The following RBFOX1 variants were observed in gnomAD, a reference collection of about 807,000 sequenced individuals.
RBFOX1 encodes the protein RNA binding fox-1 homolog 1, also known as RNA binding protein fox-1 homolog 1.
Under a neutral mutation model 57.7 loss-of-function variants are expected in RBFOX1, and 8 were observed. The observed-to-expected ratio is 0.14, with a 90% CI of 0.08 to 0.25. The LOEUF (loss-of-function observed/expected upper bound fraction) is 0.25. Among genes scored for constraint, RBFOX1 ranks in the 10% least tolerant of loss-of-function variants. RBFOX1 has a pLI of 1.00. For synonymous variants in RBFOX1, 326 were observed against 222.4 expected, an observed-to-expected ratio of 1.47 and a Z score of -4.15; for missense variants, 611 against 548.5, an observed-to-expected ratio of 1.11 and a Z score of -1.14.
intron 3 of RBFOX1, among the ~76,000 whole-genome samples, chr16:5,742,237 TCCC>T (rs1407655100): frequency 2.1e-4 from 18 of 84,552 alleles, no homozygotes; most frequent in African/African-American, 3.5e-4. Flanking sequence ...CCTTCCTTCC[TCCC>T]TTCCTTCCTT....
In RBFOX1 at chr16:6,450,400, C is replaced by T. The variant is rs894449058; in HGVS notation, c.-64+133343C>T. ...CGTTTGCTCCAGCCTTAAGGAATAACTGTGCTAATTTTATTGGTTATTTAT... is the reference window on the plus strand; with the variant it reads ...CGTTTGCTCCAGCCTTAAGGAATAATTGTGCTAATTTTATTGGTTATTTAT... On this transcript the variant is annotated intron_variant, in intron 2 of 15. Coordinates refer to ENST00000550418, the MANE Select transcript of RBFOX1 (RefSeq NM_018723.4). 5.3e-5 allele frequency among the ~76,000 whole-genome samples: 8 copies of T among 151,928 alleles called. 1 individual carries two copies. Among genetic ancestry groups the T allele is most frequent in the Admixed American group, 5.2e-4 (8 of 15,246 alleles).
chr16:7,006,478 G>A (rs879825382), intron 3 of RBFOX1, among the ~76,000 whole-genome samples: 3 of 152,060 alleles, frequency 2.0e-5, no homozygotes, highest in Admixed American at 6.6e-5. Flanking sequence ...TGTAGAGACA[G>A]GGTGTCTATT....
intron 3 of RBFOX1, among the ~76,000 whole-genome samples, chr16:5,629,111 G>A (rs1445506640): frequency 5.9e-5 from 9 of 152,090 alleles, no homozygotes; most frequent in African/African-American, 1.9e-4. Flanking sequence ...GCTGTAAAAA[G>A]AAGAAGCTAT....
chr16:5,867,490 T>C (rs1253968720), intron 4 of RBFOX1, among the ~76,000 whole-genome samples: 2 of 152,142 alleles, frequency 1.3e-5, no homozygotes, highest in African/African-American at 4.8e-5. Flanking sequence ...TCTGTGCTGC[T>C]GGGTTTTGGG....
At chr16:7,689,355 G>A (rs914982508) in intron 14 of RBFOX1, among the ~76,000 whole-genome samples, 2 of 152,116 alleles carry the variant, frequency 1.3e-5, no homozygotes, top group Non-Finnish European at 2.9e-5. Context: ...AAGTGAAAAT[G>A]GGAATGAACT....
rs138383770 is a variant in RBFOX1 at position 5,694,163 on chromosome 16, C to T, written c.318+95202C>T. On this transcript the variant is annotated intron_variant, in intron 3 of 19. Coordinates refer to the RBFOX1 transcript ENST00000641259. ...CATTGTGCTAAACCAAAATGTGTGG[C>T]CGGGGATTTTGCATTCTGCATTTTT... is the stretch of plus-strand genomic sequence containing the variant. 4.2e-3 allele frequency among the ~76,000 whole-genome samples: 643 copies of T among 152,234 alleles called. 6 individuals are homozygous for T. The highest frequency in any genetic ancestry group is 0.015 in the African/African-American group (608 of 41,560).
At chr16:6,284,412 C>T (rs2076692673) in intron 1 of RBFOX1, among the ~76,000 whole-genome samples, 1 of 152,150 alleles carries the variant, frequency 6.6e-6, no homozygotes, top group South Asian at 2.1e-4. Context: ...GAGGCCCTCA[C>T]ATATAATATC....
chr16:6,107,468 A>G (rs546392248), intron 1 of RBFOX1, among the ~76,000 whole-genome samples: 1 of 152,170 alleles, frequency 6.6e-6, no homozygotes, highest in Non-Finnish European at 1.5e-5. Context: ...GAGATGTCGG[A>G]TGATAAATTT....
chr16:7,471,722 C>T (rs957855220), intron 4 of RBFOX1, among the ~76,000 whole-genome samples: 2 of 152,140 alleles, frequency 1.3e-5, no homozygotes, highest in African/African-American at 2.4e-5. Context: ...TTCTTGCCCT[C>T]AGTGGATGTT....
intron 3 of RBFOX1, among the ~76,000 whole-genome samples, chr16:6,760,779 G>A (rs1249867817): frequency 2.6e-5 from 4 of 152,312 alleles, no homozygotes; most frequent in South Asian, 4.1e-4. Flanking sequence ...GAGCAGTCAC[G>A]TATTTCACAC....
chr16:6,621,730 C>T (rs950459332), intron 2 of RBFOX1, among the ~76,000 whole-genome samples: 1 of 152,160 alleles, frequency 6.6e-6, no homozygotes, highest in Non-Finnish European at 1.5e-5. Context: ...CTCTGATCAC[C>T]TGGCCTGACT....
intron 2 of RBFOX1, among the ~76,000 whole-genome samples, chr16:6,430,188 T>A (rs1164407294): frequency 6.6e-6 from 1 of 152,106 alleles, no homozygotes; most frequent in Non-Finnish European, 1.5e-5. Context: ...GGTATGTCTT[T>A]ATTAGCGGCA....
chr16:7,120,256 G>A (rs1026086710), intron 4 of RBFOX1, among the ~76,000 whole-genome samples: 15 of 151,306 alleles, frequency 9.9e-5, no homozygotes, highest in Non-Finnish European at 4.4e-5. Context: ...AATCAACAAT[G>A]TAAGTGCATA....
At chr16:5,441,656 T>C (rs1449662367) in intron 1 of RBFOX1, among the ~76,000 whole-genome samples, 1 of 152,126 alleles carries the variant, frequency 6.6e-6, no homozygotes. Context: ...TGAGCCACTG[T>C]TCCTGGCAGG....
chr16:6,367,246 C>T (rs906060493), intron 2 of RBFOX1, among the ~76,000 whole-genome samples: 6 of 147,938 alleles, frequency 4.1e-5, no homozygotes, highest in Non-Finnish European at 4.5e-5. Context: ...CTTGGATTTT[C>T]TTTGTTTGTT....
chr16:5,651,804 C>G (rs935812861), intron 3 of RBFOX1, among the ~76,000 whole-genome samples: 2 of 152,188 alleles, frequency 1.3e-5, no homozygotes, highest in African/African-American at 2.4e-5. Flanking sequence ...TCATAAGCAT[C>G]CATTTGCATA....
intron 4 of RBFOX1, among the ~76,000 whole-genome samples, chr16:7,181,590 G>C (rs548330415): frequency 1.3e-5 from 2 of 150,472 alleles, no homozygotes; most frequent in African/African-American, 4.9e-5. Context: ...TCGCTTGCTT[G>C]CTTGCTCTGT....
intron 2 of RBFOX1, among the ~76,000 whole-genome samples, chr16:6,370,917 A>T (rs2090342246): frequency 6.6e-6 from 1 of 152,238 alleles, no homozygotes; most frequent in Admixed American, 6.5e-5. Context: ...AAATAACAAG[A>T]AAACACAAGG....
intron 3 of RBFOX1, among the ~76,000 whole-genome samples, chr16:7,027,985 G>A (rs1324412639): frequency 2.0e-5 from 3 of 151,806 alleles, no homozygotes; most frequent in African/African-American, 4.8e-5. Flanking sequence ...GTGGAAGGAC[G>A]AAAGGCAAGA....
Sources: allele counts gnomAD v4.1 joint callset (sites outside exome capture counted in the v4.1 genomes callset), GRCh38; gene constraint gnomAD v4.1.1; transcripts MANE v1.5; gene names NCBI Gene and HGNC (gene_info 2026-07-23, HGNC 2026-07-21).